VMP1: variants seen among roughly 807,000 people sequenced by gnomAD.
The protein encoded by VMP1 is ectopic P-granules autophagy protein 3 homolog.
VMP1 carries 11 observed loss-of-function variants against 56.0 expected under a neutral mutation model. That is an observed-to-expected ratio of 0.20 (90% CI 0.12 to 0.32). The LOEUF is 0.32. Among genes scored for constraint, VMP1 ranks in the 10% least tolerant of loss-of-function variants. The pLI, the probability that VMP1 is intolerant of heterozygous loss-of-function variation, is 1.00. For synonymous variants in VMP1, 149 were observed against 165.0 expected, an observed-to-expected ratio of 0.90 and a Z score of 0.74; for missense variants, 296 against 490.3, an observed-to-expected ratio of 0.60 and a Z score of 3.74.
intron 1 of VMP1, among the ~76,000 whole-genome samples, chr17:59,729,077 C>T (rs1244452035): frequency 6.6e-6 from 1 of 152,154 alleles, no homozygotes; most frequent in African/African-American, 2.4e-5. Flanking sequence ...TATTTTCAGA[C>T]TCCATTGATG....
intron 6 of VMP1, among the ~76,000 whole-genome samples, chr17:59,769,449 G>T (rs867691483): frequency 5.9e-5 from 9 of 152,180 alleles, no homozygotes; most frequent in Admixed American, 4.6e-4. Context: ...AGATTTGCTT[G>T]TGAGTTCACT....
At chr17:59,782,566 A>C (rs1482440427) in intron 7 of VMP1, among the ~76,000 whole-genome samples, 1 of 152,206 alleles carries the variant, frequency 6.6e-6, no homozygotes, top group Non-Finnish European at 1.5e-5. Context: ...CAAAGATTCA[A>C]AGTTTATCTG....
At chr17:59,818,264 G>A (rs2038316047) in intron 10 of VMP1, among the ~76,000 whole-genome samples, 1 of 152,122 alleles carries the variant, frequency 6.6e-6, no homozygotes, top group African/African-American at 2.4e-5. Flanking sequence ...CTGCTCAGGA[G>A]GCTGAGGCAG....
intron 8 of VMP1, 86 bp downstream of exon 8, chr17:59,808,962 C>A: frequency 3.7e-6 from 4 of 1,087,230 alleles, no homozygotes; most frequent in Non-Finnish European, 5.3e-6. Flanking sequence ...AACAAAAGTG[C>A]TATCACTTTT....
chr17:59,821,376 T>C (rs544002988), intron 10 of VMP1, among the ~76,000 whole-genome samples: 37 of 152,262 alleles, frequency 2.4e-4, no homozygotes, highest in African/African-American at 8.7e-4. Context: ...GTTTTGAATA[T>C]AGTTATGCTA....
intron 6 of VMP1, among the ~76,000 whole-genome samples, chr17:59,766,467 C>A (rs2143995800): frequency 6.6e-6 from 1 of 152,250 alleles, no homozygotes; most frequent in South Asian, 2.1e-4. Flanking sequence ...CCCGCCACCG[C>A]TCTCCAGCCT....
At chr17:59,815,196 G>A (rs1479560711) in intron 9 of VMP1, among the ~76,000 whole-genome samples, 1 of 151,976 alleles carries the variant, frequency 6.6e-6, no homozygotes, top group East Asian at 1.9e-4. Context: ...CCACTGCACA[G>A]AGTCAAGTAC....
At chr17:59,827,407 C>T (rs1190971863) in intron 10 of VMP1, among the ~76,000 whole-genome samples, 1 of 151,976 alleles carries the variant, frequency 6.6e-6, no homozygotes, top group Non-Finnish European at 1.5e-5. Flanking sequence ...ACCTCTGCCT[C>T]CTGGGTTCAA....
chr17:59,822,664 T>TAA (rs2144281627), intron 10 of VMP1, among the ~76,000 whole-genome samples: 1 of 152,228 alleles, frequency 6.6e-6, no homozygotes, highest in African/African-American at 2.4e-5. Flanking sequence ...TGAAAATTAA[T>TAA]AAGTAGCCTC....
In VMP1 at chr17:59,753,666, C is replaced by A. The variant is rs78138730; in HGVS notation, c.415-11305C>A. Among the ~76,000 whole-genome samples, 1,096 of 152,252 alleles carry A rather than the reference C, an allele frequency of 7.2e-3. 11 individuals carry two copies. Among genetic ancestry groups the A allele is most frequent in the African/African-American group, 0.025 (1,041 of 41,538 alleles). On this transcript the variant is annotated intron_variant, in intron 5 of 11. Transcript: ENST00000262291. ...TTTCCTGGCAAAAGACTTCACAAAGCCCCATATCCCTTTCAGTTAAGCCCA... is the reference window on the plus strand; with the variant it reads ...TTTCCTGGCAAAAGACTTCACAAAGACCCATATCCCTTTCAGTTAAGCCCA...
chr17:59,751,195 C>G (rs1046274040), intron 5 of VMP1, among the ~76,000 whole-genome samples: 1 of 152,064 alleles, frequency 6.6e-6, no homozygotes, highest in Admixed American at 6.6e-5. Flanking sequence ...ACCTTTTAAG[C>G]ACTCTTTTAT....
chr17:59,763,368 G>C (rs550180164), intron 5 of VMP1, among the ~76,000 whole-genome samples: 1 of 152,038 alleles, frequency 6.6e-6, no homozygotes, highest in Non-Finnish European at 1.5e-5. Flanking sequence ...AAAAACCTAA[G>C]TAGTCAAAGT....
chr17:59,740,093 A>G (rs2035172950), intron 5 of VMP1, among the ~76,000 whole-genome samples: 1 of 152,052 alleles, frequency 6.6e-6, no homozygotes, highest in Non-Finnish European at 1.5e-5. Flanking sequence ...AAAAAAAGAA[A>G]AAGAAAAAGA....
chr17:59,782,092 A>G (rs2036843361), intron 7 of VMP1, among the ~76,000 whole-genome samples: 1 of 152,086 alleles, frequency 6.6e-6, no homozygotes, highest in South Asian at 2.1e-4. Flanking sequence ...TATTTTTAGT[A>G]GAGATGGGGT....
At chr17:59,760,477 G>A (rs1265892467) in intron 5 of VMP1, among the ~76,000 whole-genome samples, 1 of 151,984 alleles carries the variant, frequency 6.6e-6, no homozygotes, top group Non-Finnish European at 1.5e-5. Context: ...CTGATGAAAA[G>A]TCTGACCTAT....
chr17:59,794,025 A>G (rs1021100577), intron 7 of VMP1, among the ~76,000 whole-genome samples: 2 of 150,256 alleles, frequency 1.3e-5, no homozygotes, highest in African/African-American at 4.9e-5. Flanking sequence ...GGTTCATGCC[A>G]TTCTCCTGCC....
chr17:59,781,315 A>G (rs1382385666), intron 7 of VMP1, among the ~76,000 whole-genome samples: 5 of 152,186 alleles, frequency 3.3e-5, no homozygotes, highest in Non-Finnish European at 7.3e-5. Flanking sequence ...TTCCAAAAGT[A>G]TTATAAAGTA....
intron 6 of VMP1, among the ~76,000 whole-genome samples, chr17:59,770,544 A>G (rs2036386336): frequency 6.6e-6 from 1 of 151,696 alleles, no homozygotes; most frequent in Non-Finnish European, 1.5e-5. Flanking sequence ...CTTAAAATTC[A>G]TTATCCAATT....
At chr17:59,804,535 AAC>A (rs1022404737) in intron 7 of VMP1, among the ~76,000 whole-genome samples, 8 of 151,444 alleles carry the variant, frequency 5.3e-5, no homozygotes, top group African/African-American at 1.7e-4. Flanking sequence ...GAATCACTTG[AAC>A]CCGGGAGGCA....
Sources: gnomAD v4.1 joint callset for allele counts (sites outside exome capture counted in the v4.1 genomes callset) on GRCh38, gnomAD v4.1.1 for gene constraint, MANE v1.5 for transcripts, NCBI Gene and HGNC (gene_info 2026-07-23, HGNC 2026-07-21) for gene names.